The following SLC9C1 variants were observed in gnomAD, a reference collection of about 807,000 sequenced individuals.
The protein encoded by SLC9C1 is solute carrier family 9 member C1, also known as sodium/hydrogen exchanger 10.
A neutral mutation model predicts 140.9 loss-of-function variants in SLC9C1; 97 were observed. The ratio of observed to expected loss-of-function variants is 0.69; its 90% CI spans 0.58 to 0.82. The LOEUF (loss-of-function observed/expected upper bound fraction) is 0.82. Ranked by LOEUF, SLC9C1 falls within the 40% of genes least tolerant of loss-of-function variation. SLC9C1 has a pLI of 0.00. For synonymous variants in SLC9C1, 440 were observed against 442.6 expected (o/e 0.99, Z 0.07); for missense variants, 1,340 against 1,389.3 (o/e 0.96, Z 0.56).
At chr3:112,143,111 A>G (rs1158849855) in intron 28 of SLC9C1, among the ~76,000 whole-genome samples, 3 of 152,146 alleles carry the variant, frequency 2.0e-5, no homozygotes, top group Admixed American at 1.3e-4. Context: ...TATATGTACC[A>G]CATTTTCTTT....
chr3:112,165,932 C>A (rs536224270), intron 26 of SLC9C1, among the ~76,000 whole-genome samples: 2 of 152,342 alleles, frequency 1.3e-5, no homozygotes, highest in South Asian at 4.1e-4. Flanking sequence ...TTCGATCTTC[C>A]TGGCCGCTTT....
chr3:112,195,776 A>C (rs2077756581), intron 20 of SLC9C1, among the ~76,000 whole-genome samples: 1 of 152,204 alleles, frequency 6.6e-6, no homozygotes, highest in African/African-American at 2.4e-5. Flanking sequence ...CCAGCTGTTG[A>C]TATCACAGTA....
chr3:112,266,198 C>T lies in SLC9C1; in HGVS notation c.878+40G>A, dbSNP rs771139970. 4 of 1,343,268 alleles carry T rather than the reference C, an allele frequency of 3.0e-6. No homozygotes were observed. The East Asian group carries it at 9.3e-5, about 31-fold the overall frequency. The allele number at this position is 1,343,268 out of a possible 1,614,324, so 83.2% of individuals were successfully genotyped here. A position where few individuals can be genotyped will look rare whatever the true frequency, so the allele number is the denominator to read the frequency against. ...TGTTACTATTATAATATTATAGCTT[C>T]CAGTGTATGAAATAAAGTCAAAATA... On this transcript the variant is annotated intron_variant, in intron 8 of 28. Transcript: ENST00000305815.
rs1437696671 is a variant in SLC9C1 at position 112,274,943 on chromosome 3, A to G, written c.567T>C (p.Ile189=). 4 of 1,571,290 alleles carry G rather than the reference A, an allele frequency of 2.5e-6. No homozygotes were observed. Among genetic ancestry groups the G allele is most frequent in the Non-Finnish European group, 3.4e-6 (4 of 1,166,810 alleles). Residue 189 remains isoleucine (I), a synonymous_variant, in exon 6 of 29, where the codon ATT becomes ATC. Coordinates refer to ENST00000305815, the MANE Select transcript of SLC9C1 (RefSeq NM_183061.3). ...SVISLITFTS[I]MDFDQRLQSK... ...TTTGTAGTCTTTGGTCAAAATCCAT[A>G]ATACTAGTAAATGTAATTAATGATA...
chr3:112,217,890 G>A (rs1027339937), intron 14 of SLC9C1, among the ~76,000 whole-genome samples: 7 of 152,144 alleles, frequency 4.6e-5, no homozygotes, highest in African/African-American at 9.7e-5. Context: ...CCCATTGTCT[G>A]GTATGGCAAT....
chr3:112,198,550 A>C lies in SLC9C1; in HGVS notation c.2523+771T>G, dbSNP rs182017778. Among the ~76,000 whole-genome samples the C allele has an allele frequency of 4.5e-4, 69 of 152,142 alleles. No individual in the cohort carries two copies. The East Asian group carries it at 0.012, about 26-fold the overall frequency. On this transcript the variant is annotated intron_variant, in intron 20 of 28. Coordinates refer to ENST00000305815, the MANE Select transcript of SLC9C1 (RefSeq NM_183061.3). ...GCTATCTAACACAAAGTTTGCTACAAATTTTTAATAGATACTATTTATCAA... is the reference window on the plus strand; with the variant it reads ...GCTATCTAACACAAAGTTTGCTACACATTTTTAATAGATACTATTTATCAA...
intron 1 of SLC9C1, among the ~76,000 whole-genome samples, chr3:112,287,940 G>A (rs937798421): frequency 6.6e-5 from 10 of 151,446 alleles, no homozygotes; most frequent in Admixed American, 2.6e-4. Flanking sequence ...CTACTCGGGA[G>A]GCTGAGGCAG....
intron 10 of SLC9C1, among the ~76,000 whole-genome samples, chr3:112,247,090 C>A (rs1471797388): frequency 6.6e-6 from 1 of 152,072 alleles, no homozygotes; most frequent in Admixed American, 6.6e-5. Flanking sequence ...TTATTTTATA[C>A]AGAGTTCATT....
At chr3:112,243,339 A>T (rs900625264) in intron 11 of SLC9C1, among the ~76,000 whole-genome samples, 1 of 152,356 alleles carries the variant, frequency 6.6e-6, no homozygotes, top group African/African-American at 2.4e-5. Context: ...AGCCATAAAA[A>T]AGAACAAGAT....
intron 10 of SLC9C1, among the ~76,000 whole-genome samples, chr3:112,253,136 G>T (rs1007229716): frequency 1.3e-5 from 2 of 152,174 alleles, no homozygotes; most frequent in African/African-American, 4.8e-5. Context: ...CCACAGCACA[G>T]ATCCCGCATT....
intron 12 of SLC9C1, among the ~76,000 whole-genome samples, chr3:112,234,214 G>T (rs1332021401): frequency 1.3e-5 from 2 of 152,154 alleles, no homozygotes; most frequent in Non-Finnish European, 2.9e-5. Context: ...GTTTTGATTT[G>T]CATTTCTCTG....
Position 112,167,208 on chromosome 3 carries a change from A to C in SLC9C1, c.3364+13T>G. Reference sequence around the variant, plus strand: ...AGTAAGTTTTCACAATTGCTGAAAGAAGTCTAACTCACCTATTAATCCTGG... The same window carrying C: ...AGTAAGTTTTCACAATTGCTGAAAGCAGTCTAACTCACCTATTAATCCTGG... On this transcript the variant is annotated intron_variant, in intron 26 of 28. Transcript: ENST00000305815. 1 of 1,603,444 alleles carries C rather than the reference A, an allele frequency of 6.2e-7. No individual in the cohort carries two copies.
intron 10 of SLC9C1, among the ~76,000 whole-genome samples, chr3:112,254,194 A>G (rs1328262991): frequency 3.9e-5 from 6 of 152,192 alleles, no homozygotes; most frequent in African/African-American, 1.4e-4. Context: ...AACTTCTCCA[A>G]ACTTGCTAGA....
At chr3:112,224,652 A>T (rs535466706) in intron 13 of SLC9C1, among the ~76,000 whole-genome samples, 2 of 152,040 alleles carry the variant, frequency 1.3e-5, no homozygotes, top group Non-Finnish European at 2.9e-5. Flanking sequence ...GAATGAAAAA[A>T]TACAATTGAG....
intron 12 of SLC9C1, among the ~76,000 whole-genome samples, chr3:112,237,588 C>A (rs1207283234): frequency 6.6e-6 from 1 of 152,168 alleles, no homozygotes; most frequent in Non-Finnish European, 1.5e-5. Context: ...TCTGCAGTGG[C>A]TGGTACCGGT....
At chr3:112,213,408 G>A (rs4258934) in intron 15 of SLC9C1, among the ~76,000 whole-genome samples, 14 of 151,902 alleles carry the variant, frequency 9.2e-5, no homozygotes, top group African/African-American at 3.4e-4. Flanking sequence ...AGACACAGAC[G>A]GGCAAGTTGG....
At chr3:112,213,960 A>G (rs1175114715) in intron 15 of SLC9C1, among the ~76,000 whole-genome samples, 1 of 152,212 alleles carries the variant, frequency 6.6e-6, no homozygotes, top group Non-Finnish European at 1.5e-5. Context: ...AGTTGGAAGT[A>G]AAGCACTCCT....
chr3:112,190,553 A>G (rs1396427562), intron 20 of SLC9C1, among the ~76,000 whole-genome samples: 3 of 152,174 alleles, frequency 2.0e-5, no homozygotes, highest in African/African-American at 7.2e-5. Context: ...TTGAACAATA[A>G]CAGTTTTTGC....
intron 8 of SLC9C1, among the ~76,000 whole-genome samples, chr3:112,265,145 A>T (rs2079881644): frequency 6.6e-6 from 1 of 152,026 alleles, no homozygotes; most frequent in Non-Finnish European, 1.5e-5. Flanking sequence ...AATGATTTAG[A>T]AATCACTTCG....
Sources: allele counts gnomAD v4.1 joint callset (sites outside exome capture counted in the v4.1 genomes callset), GRCh38; gene constraint gnomAD v4.1.1; transcripts MANE v1.5; gene names NCBI Gene and HGNC (gene_info 2026-07-23, HGNC 2026-07-21).